Variants in DSP observed in about 807,000 individuals in gnomAD.
DSP encodes desmoplakin.
DSP carries 114 observed loss-of-function variants against 290.6 expected under a neutral mutation model. The observed-to-expected ratio is 0.39, with a 90% CI of 0.34 to 0.46. DSP has a LOEUF of 0.46. Among genes scored for constraint, DSP ranks in the 20% least tolerant of loss-of-function variants. The pLI, the probability that DSP is intolerant of heterozygous loss-of-function variation, is 0.99. For synonymous variants in DSP, 1,311 were observed against 1,316.4 expected (o/e 1.00, Z 0.09); for missense variants, 3,230 against 3,495.8 (o/e 0.92, Z 1.92).
intron 2 of DSP, among the ~76,000 whole-genome samples, chr6:7,556,267 G>A (rs1758503978): frequency 6.6e-6 from 1 of 152,064 alleles, no homozygotes; most frequent in African/African-American, 2.4e-5. Context: ...CAGAAAAATG[G>A]GGAAAAATAG....
chr6:7,542,617 C>T (rs1282418774), intron 1 of DSP, among the ~76,000 whole-genome samples: 1 of 152,162 alleles, frequency 6.6e-6, no homozygotes, highest in African/African-American at 2.4e-5. Flanking sequence ...TCCTCGGCCA[C>T]CCAAGGACGT....
intron 4 of DSP, among the ~76,000 whole-genome samples, chr6:7,560,709 G>A (rs757656656): frequency 2.2e-4 from 34 of 152,302 alleles, no homozygotes; most frequent in Non-Finnish European, 4.9e-4. Context: ...AAGACATAGC[G>A]GAGCTGATGG....
In DSP at chr6:7,585,734, G is replaced by GCTCCGGC. The variant is rs750188089; in HGVS notation, c.8472_8473insCTCCGGC (p.Ser2825LeufsTer29). 6 of 1,611,328 alleles carry GCTCCGGC rather than the reference G, an allele frequency of 3.7e-6. No individual in the cohort carries two copies. The highest frequency in any genetic ancestry group is 5.1e-6 in the Non-Finnish European group (6 of 1,178,568). Reference sequence around the variant, plus strand: ...CTTACAACATGTCTTCGGCTCCGGGGTCCCGCTCCGGCTCCCGCTCGGGAT... The same window carrying GCTCCGGC: ...CTTACAACATGTCTTCGGCTCCGGGGCTCCGGCTCCCGCTCCGGCTCCCGCTCGGGAT... On this transcript the variant is annotated frameshift_variant, in exon 24 of 24. Coordinates refer to ENST00000379802, the MANE Select transcript of DSP (RefSeq NM_004415.4). LOFTEE classifies it high-confidence loss of function.
At chr6:7,556,258 A>G (rs1758503693) in intron 2 of DSP, among the ~76,000 whole-genome samples, 1 of 152,292 alleles carries the variant, frequency 6.6e-6, no homozygotes, top group African/African-American at 2.4e-5. Flanking sequence ...TCTGAGAAAC[A>G]GAAAAATGGG....
At chr6:7,542,936 G>A (rs1350626280) in intron 1 of DSP, among the ~76,000 whole-genome samples, 1 of 152,210 alleles carries the variant, frequency 6.6e-6, no homozygotes, top group Admixed American at 6.5e-5. Flanking sequence ...TGTGGGCAGG[G>A]GAGTGGGGGG....
Position 7,565,959 on chromosome 6 carries a change from A to G in DSP, c.940-418A>G, listed in dbSNP as rs1365366948. On this transcript the variant is annotated intron_variant, in intron 7 of 23. Coordinates refer to ENST00000379802, the MANE Select transcript of DSP (RefSeq NM_004415.4). The surrounding 1 kb of genome is among the most constrained non-coding windows in gnomAD (Gnocchi z 4.2). Reference sequence around the variant, plus strand: ...GTTTACCTGTGTAACAAACCTGCACATGTATCCCTGAACTTAAAATAAAAG... The same window carrying G: ...GTTTACCTGTGTAACAAACCTGCACGTGTATCCCTGAACTTAAAATAAAAG... 6.0e-6 allele frequency: 2 copies of G among 331,190 alleles called. No homozygotes were observed. Among genetic ancestry groups the G allele is most frequent in the Non-Finnish European group, 1.1e-5 (2 of 175,312 alleles). The allele number at this position is 331,190 out of a possible 1,614,324, so 20.5% of individuals were successfully genotyped here.
Position 7,572,013 on chromosome 6 carries a change from C to T in DSP, c.2075C>T (p.Pro692Leu), listed in dbSNP as rs1561690890. 5 of 1,614,162 alleles carry T rather than the reference C, an allele frequency of 3.1e-6. No individual in the cohort carries two copies. Among genetic ancestry groups the T allele is most frequent in the Non-Finnish European group, 3.4e-6 (4 of 1,180,038 alleles). Residue 692 changes from proline to leucine, a missense_variant, in exon 15 of 24, where the codon CCT (proline) becomes CTT (leucine). By Grantham distance (98) the Pro-to-Leu change is moderately conservative. Transcript: ENST00000379802. ...GGCAGGATGACTCTCAAAAACCTCC[C>T]TCTAGCAGACCAGGGATCTTCTCAC... is the stretch of plus-strand genomic sequence containing the variant. ...CEGRMTLKNL[P>L]LADQGSSHHI...
At position 7,581,163 on chromosome 6, in the gene DSP, C is replaced by T. The variant is rs202084959; in HGVS notation, c.4973C>T (p.Ser1658Phe). 6.8e-6 allele frequency: 11 copies of T among 1,614,202 alleles called. No individual in the cohort carries two copies. Among genetic ancestry groups the T allele is most frequent in the Non-Finnish European group, 9.3e-6 (11 of 1,180,040 alleles). ...ACCCAGGAAGAGCTGAGGAGGCTCT[C>T]TTCTGAGGTCGAGGCCCTGAGGCGG... ...QRTQEELRRLSSEVEALRRQL... is the reference protein window; with the variant it reads ...QRTQEELRRLFSEVEALRRQL... The change falls in exon 23 of 24, where the codon TCT becomes TTT. Residue 1658 changes from serine to phenylalanine, a missense_variant. Physicochemically the swap from Ser to Phe is radical, Grantham distance 155. Coordinates refer to ENST00000379802, the MANE Select transcript of DSP (RefSeq NM_004415.4).
intron 1 of DSP, among the ~76,000 whole-genome samples, chr6:7,552,296 CT>C (rs1166535961): frequency 6.6e-6 from 1 of 152,014 alleles, no homozygotes; most frequent in East Asian, 1.9e-4. Flanking sequence ...TGGCTCACGC[CT>C]GTAATCCTAA....
Position 7,585,279 on chromosome 6 carries a change from G to A in DSP, c.8017G>A (p.Asp2673Asn). ...PTTGQKLSLQ[D>N]AVSQGVIDQD... ...CACGGGCCAGAAGCTGTCACTTCAG[G>A]ACGCAGTCTCCCAGGGTGTGATTGA... Residue 2673 changes from aspartate to asparagine, a missense_variant, in exon 24 of 24, where the codon GAC becomes AAC. By Grantham distance (23) the Asp-to-Asn change is conservative. Coordinates refer to ENST00000379802, the MANE Select transcript of DSP (RefSeq NM_004415.4). The A allele has an allele frequency of 6.2e-7, 1 of 1,614,156 alleles. No individual in the cohort carries two copies. Among genetic ancestry groups the A allele is most frequent in the Non-Finnish European group, 8.5e-7 (1 of 1,180,042 alleles).
At chr6:7,555,925 G>C in intron 2 of DSP, 105 bp downstream of exon 2, 1 of 952,538 alleles carries the variant, frequency 1.0e-6, no homozygotes, top group South Asian at 1.4e-5. Context: ...CCTCTTTCAC[G>C]TAGTGTTTAG....
chr6:7,553,097 G>A (rs554062888), intron 1 of DSP, among the ~76,000 whole-genome samples: 1 of 152,212 alleles, frequency 6.6e-6, no homozygotes, highest in East Asian at 1.9e-4. Context: ...ATAGTACAAA[G>A]TTTGTGTATA....
In DSP at chr6:7,567,412, T is replaced by C. The variant is rs141163578; in HGVS notation, c.1103T>C (p.Ile368Thr). Reference sequence around the variant, plus strand: ...TGGATTCTTCAGATCACCAAGTGCATTGATGTTCATCTGAAAGAAAATGCT... The same window carrying C: ...TGGATTCTTCAGATCACCAAGTGCACTGATGTTCATCTGAAAGAAAATGCT... ...WSWILQITKC[I>T]DVHLKENAAY... The change falls in exon 9 of 24, where the codon ATT becomes ACT. Residue 368 changes from isoleucine (I) to threonine (T), a missense_variant. Around this residue, in one of 5 missense-constraint regions of DSP, gnomAD observed 646 missense variants for 684.3 expected, o/e 0.94. Coordinates refer to ENST00000379802, the MANE Select transcript of DSP (RefSeq NM_004415.4). 3.0e-5 allele frequency: 49 copies of C among 1,614,114 alleles called. No homozygotes were observed. Among genetic ancestry groups the C allele is most frequent in the Middle Eastern group, 3.3e-4 (2 of 6,062 alleles).
Position 7,583,816 on chromosome 6 carries a change from A to G in DSP, c.6554A>G (p.Gln2185Arg), listed in dbSNP as rs1310583657. ...PVTKKKVSYV[Q>R]LKERCRIEPH... ...ACCAAAAAGAAGGTCAGTTACGTGC[A>G]GCTGAAGGAACGGTGCAGAATCGAA... Residue 2185 changes from glutamine to arginine, a missense_variant, in exon 24 of 24, where the codon CAG becomes CGG. Gln to Arg is a conservative substitution (Grantham distance 43). This residue lies in a region of DSP where 1,714 missense variants were observed against 1,844.5 expected (regional missense o/e 0.93). Coordinates refer to ENST00000379802, the MANE Select transcript of DSP (RefSeq NM_004415.4). The surrounding 1 kb of genome is among the most constrained non-coding windows in gnomAD (Gnocchi z 4.0). 6.2e-7 allele frequency: 1 copy of G among 1,614,194 alleles called. No homozygotes were observed. Among genetic ancestry groups the G allele is most frequent in the Non-Finnish European group, 8.5e-7 (1 of 1,180,024 alleles).
chr6:7,571,297 G>A, intron 13 of DSP, 86 bp from the exon 14 acceptor site: 1 of 1,342,632 alleles, frequency 7.4e-7, no homozygotes, highest in East Asian at 2.3e-5. Context: ...GTCCCATCTA[G>A]TGGGTGGCAT....
At chr6:7,544,401 T>TA (rs1257267251) in intron 1 of DSP, among the ~76,000 whole-genome samples, 2 of 152,174 alleles carry the variant, frequency 1.3e-5, no homozygotes, top group African/African-American at 4.8e-5. Context: ...TGCTCTCTGC[T>TA]AAGTGAATGA....
intron 9 of DSP, 80 bp from the exon 10 acceptor site, chr6:7,567,701 A>G: frequency 6.2e-7 from 1 of 1,600,256 alleles, no homozygotes; most frequent in Non-Finnish European, 8.5e-7. Flanking sequence ...TTTAGGGATG[A>G]CAATCCTTGA....
chr6:7,555,914 A>G, intron 2 of DSP, 94 bp downstream of exon 2: 1 of 1,070,960 alleles, frequency 9.3e-7, no homozygotes, highest in African/African-American at 1.6e-5. Context: ...CTATTCACTG[A>G]CCTCTTTCAC....
At chr6:7,551,950 A>G (rs1263924003) in intron 1 of DSP, among the ~76,000 whole-genome samples, 2 of 152,184 alleles carry the variant, frequency 1.3e-5, no homozygotes, top group Admixed American at 6.5e-5. Context: ...TCTGTTTCCA[A>G]AGGGAATTCT....
Sources: gnomAD v4.1 joint callset for allele counts (sites outside exome capture counted in the v4.1 genomes callset) on GRCh38, gnomAD v4.1.1 for gene constraint, gnomAD v4.1.1 regional missense constraint, Gnocchi (gnomAD v3.1) non-coding constraint, MANE v1.5 for transcripts, NCBI Gene and HGNC (gene_info 2026-07-23, HGNC 2026-07-21) for gene names.